The following CPAMD8 variants were observed in gnomAD, a reference collection of about 807,000 sequenced individuals.
CPAMD8 encodes the protein C3 and PZP like alpha-2-macroglobulin domain containing 8.
In CPAMD8, 146 loss-of-function variants were observed where a neutral mutation model predicts 224.7. That is an observed-to-expected ratio of 0.65 (90% CI 0.57 to 0.75). CPAMD8 has a LOEUF of 0.75. CPAMD8 is among the 30% of genes least tolerant of loss of function. The probability of loss-of-function intolerance (pLI) is 0.00; values close to 1 mark genes in which losing one functional copy is unlikely to be tolerated. For missense variants in CPAMD8, 2,301 were observed against 2,537.5 expected (o/e 0.91, Z 2.00); for synonymous variants, 966 against 1,044.6 (o/e 0.92, Z 1.45).
At chr19:16,975,287 C>T in intron 16 of CPAMD8, 29 bp from the exon 17 acceptor site, 1 of 1,578,152 alleles carries the variant, frequency 6.3e-7, no homozygotes, top group Non-Finnish European at 8.6e-7. Flanking sequence ...AGAGACTTGT[C>T]AGCTGAAGTT....
chr19:16,951,774 A>G (rs1319000063), intron 20 of CPAMD8, among the ~76,000 whole-genome samples, 195 bp downstream of exon 20: 5 of 152,106 alleles, frequency 3.3e-5, no homozygotes, highest in African/African-American at 9.7e-5. Flanking sequence ...CCTCCCTGAC[A>G]GCACAGATGA....
intron 12 of CPAMD8, 119 bp downstream of exon 12, chr19:16,993,297 A>C: frequency 1.3e-6 from 1 of 742,886 alleles, no homozygotes; most frequent in South Asian, 1.8e-5. Context: ...TGGAATGTGT[A>C]CTCCTGCAGG....
intron 19 of CPAMD8, among the ~76,000 whole-genome samples, chr19:16,956,592 G>T (rs1342706153): frequency 1.3e-5 from 2 of 152,162 alleles, no homozygotes; most frequent in African/African-American, 4.8e-5. Flanking sequence ...CACGTTGAGA[G>T]GCCAAGACAG....
intron 17 of CPAMD8, among the ~76,000 whole-genome samples, chr19:16,971,287 A>G (rs1270822497): frequency 4.0e-5 from 6 of 151,586 alleles, no homozygotes; most frequent in Non-Finnish European, 8.8e-5. Context: ...TGGAAGCTCC[A>G]CCTCCCAGGT....
chr19:16,918,730 G>A (rs1357440829), intron 27 of CPAMD8, among the ~76,000 whole-genome samples: 1 of 147,708 alleles, frequency 6.8e-6, no homozygotes, highest in Admixed American at 6.8e-5. Context: ...TGACAGGCAC[G>A]TGCCATCACA....
intron 30 of CPAMD8, 58 bp from the exon 31 acceptor site, chr19:16,904,610 C>A: frequency 6.0e-6 from 7 of 1,170,636 alleles, no homozygotes; most frequent in Non-Finnish European, 9.0e-6. Flanking sequence ...CCTGGCATCC[C>A]ATGGAGCGCA....
At chr19:17,013,745 C>T (rs970815478) in intron 3 of CPAMD8, among the ~76,000 whole-genome samples, 1 of 150,958 alleles carries the variant, frequency 6.6e-6, no homozygotes, top group Non-Finnish European at 1.5e-5. Flanking sequence ...ACAACCCTGT[C>T]AATGTAGTAA....
intron 23 of CPAMD8, among the ~76,000 whole-genome samples, 165 bp from the exon 24 acceptor site, chr19:16,929,405 A>G (rs969963617): frequency 1.3e-5 from 2 of 152,196 alleles, no homozygotes; most frequent in Non-Finnish European, 2.9e-5. Flanking sequence ...TGGCAATGGC[A>G]CACAAAAGAT....
rs199719544 is a variant in CPAMD8 at position 16,907,024 on chromosome 19, C to T, written c.3955G>A (p.Ala1319Thr). The T allele has an allele frequency of 3.1e-4, 502 of 1,609,018 alleles. No individual in the cohort carries two copies. Among genetic ancestry groups the T allele is most frequent in the Non-Finnish European group, 4.0e-4 (468 of 1,178,746 alleles). ...GCCGGGCTGCGGAGCAGGGTCAGCG[C>T]GTAGGTAGTCAGGGCACAGCTATAA... ...DPYSCALTTY[A>T]LTLLRSPAAP... The change falls in exon 30 of 42, where the codon GCG (alanine) becomes ACG (threonine). Residue 1319 changes from alanine to threonine, a missense_variant. Transcript: ENST00000443236.
chr19:16,918,319 C>A (rs2053038552), intron 27 of CPAMD8, among the ~76,000 whole-genome samples: 1 of 151,988 alleles, frequency 6.6e-6, no homozygotes, highest in Non-Finnish European at 1.5e-5. Context: ...TAAAGCATGT[C>A]TTGATTACTT....
At chr19:16,896,419 G>C (rs1568443599) in intron 40 of CPAMD8, 37 bp downstream of exon 40, 4 of 1,482,932 alleles carry the variant, frequency 2.7e-6, no homozygotes, top group Non-Finnish European at 3.6e-6. Flanking sequence ...CAGCAGCGAT[G>C]GTGTCCCCGA....
chr19:16,920,375 G>T (rs1004029558), intron 27 of CPAMD8, among the ~76,000 whole-genome samples: 2 of 152,216 alleles, frequency 1.3e-5, no homozygotes, highest in African/African-American at 4.8e-5. Context: ...AGCTACTCGG[G>T]AGGCTGAGGC....
At chr19:16,914,395 G>T in intron 29 of CPAMD8, 29 bp downstream of exon 29, 2 of 1,601,872 alleles carry the variant, frequency 1.2e-6, no homozygotes, top group Non-Finnish European at 1.7e-6. Flanking sequence ...GCCCAGCCCC[G>T]AGTCTCCCCA....
chr19:16,966,782 CAAT>C (rs1162249522), intron 18 of CPAMD8, among the ~76,000 whole-genome samples: 1 of 152,136 alleles, frequency 6.6e-6, no homozygotes, highest in Non-Finnish European at 1.5e-5. Context: ...ATCAAAACCA[CAAT>C]GAGATACCAT....
intron 3 of CPAMD8, among the ~76,000 whole-genome samples, chr19:17,015,190 T>A (rs1187043532): frequency 6.6e-6 from 1 of 152,142 alleles, no homozygotes; most frequent in Non-Finnish European, 1.5e-5. Flanking sequence ...TGCAGTGAGC[T>A]GAGATGGTAC....
At chr19:17,025,672 A>G (rs1054899029) in intron 1 of CPAMD8, among the ~76,000 whole-genome samples, 5 of 152,080 alleles carry the variant, frequency 3.3e-5, no homozygotes, top group African/African-American at 4.8e-5. Flanking sequence ...GGAGACAAAA[A>G]TCCCCCCCAG....
chr19:16,947,123 G>A lies in CPAMD8; in HGVS notation c.2613C>T (p.Pro871=), dbSNP rs1272665633. ...CGCTGAAGGACAGAACGACCCAGAT[G>A]GGCTCAGCCTCCCCGGGGGCCACAC... ...KMCVAPGEAE[P]IWVVLSFSDL... is the part of the protein sequence containing the mutation. Residue 871 remains proline, a synonymous_variant, in exon 21 of 42, where the codon CCC becomes CCT. Transcript: ENST00000443236. 10 of 1,613,462 alleles carry A rather than the reference G, an allele frequency of 6.2e-6. No individual in the cohort carries two copies. The highest frequency in any genetic ancestry group is 1.6e-4 in the Middle Eastern group (1 of 6,074).
chr19:16,904,586 C>T (rs1244283494), intron 30 of CPAMD8, 34 bp from the exon 31 acceptor site: 2 of 1,445,664 alleles, frequency 1.4e-6, no homozygotes, highest in Non-Finnish European at 1.9e-6. Flanking sequence ...AGCTATAACC[C>T]ACCCAGTGTG....
At chr19:17,016,893 T>C in intron 3 of CPAMD8, among the ~76,000 whole-genome samples, 1 of 151,592 alleles carries the variant, frequency 6.6e-6, no homozygotes, top group Non-Finnish European at 1.5e-5. Flanking sequence ...AGGGTCTTTT[T>C]TTTTTTTTCT....
Sources: allele counts gnomAD v4.1 joint callset (sites outside exome capture counted in the v4.1 genomes callset), GRCh38; gene constraint gnomAD v4.1.1; transcripts MANE v1.5; gene names NCBI Gene and HGNC (gene_info 2026-07-23, HGNC 2026-07-21).